Variants in RBFOX1 observed in about 807,000 individuals in gnomAD.
The protein encoded by RBFOX1 is RNA binding protein fox-1 homolog 1.
A neutral mutation model predicts 57.7 loss-of-function variants in RBFOX1; 8 were observed. That is an observed-to-expected ratio of 0.14 (90% CI 0.08 to 0.25). The LOEUF (loss-of-function observed/expected upper bound fraction) is 0.25, where lower values mean the gene tolerates loss of function less well. Among genes scored for constraint, RBFOX1 ranks in the 10% least tolerant of loss-of-function variants. The probability of loss-of-function intolerance (pLI) is 1.00; values close to 1 mark genes in which losing one functional copy is unlikely to be tolerated. For missense variants in RBFOX1, 611 were observed against 548.5 expected, an observed-to-expected ratio of 1.11 and a Z score of -1.14; for synonymous variants, 326 against 222.4, an observed-to-expected ratio of 1.47 and a Z score of -4.15.
Position 7,261,524 on chromosome 16 carries a change from T to C in RBFOX1, c.27+209426T>C, listed in dbSNP as rs369950524. On this transcript the variant is annotated intron_variant, in intron 4 of 15. Coordinates refer to ENST00000550418, the MANE Select transcript of RBFOX1 (RefSeq NM_018723.4). ...GGGAACACTTGATCAGCATAGGAGA[T>C]AACTAACGGCAGTAACTTTGCTCTG... Among the ~76,000 whole-genome samples, 8 of 152,264 alleles carry C rather than the reference T, an allele frequency of 5.3e-5. No homozygotes were observed. The South Asian group carries it at 1.2e-3, about 24-fold the overall frequency.
chr16:7,187,148 G>A (rs755321042), intron 4 of RBFOX1, among the ~76,000 whole-genome samples: 45 of 151,728 alleles, frequency 3.0e-4, no homozygotes, highest in Non-Finnish European at 5.7e-4. Flanking sequence ...CAGCTTGGGC[G>A]ATGGAGTGAT....
At chr16:5,253,946 C>T (rs555105704) in intron 1 of RBFOX1, among the ~76,000 whole-genome samples, 1 of 151,904 alleles carries the variant, frequency 6.6e-6, no homozygotes, top group East Asian at 1.9e-4. Flanking sequence ...CAGCAACCCC[C>T]TATTATCTGC....
intron 3 of RBFOX1, among the ~76,000 whole-genome samples, chr16:6,819,238 A>G (rs2090782354): frequency 6.6e-6 from 1 of 152,188 alleles, no homozygotes; most frequent in African/African-American, 2.4e-5. Flanking sequence ...GTGGTTGGCA[A>G]TCCTGCATCA....
At chr16:7,089,999 C>T (rs2060565279) in intron 4 of RBFOX1, among the ~76,000 whole-genome samples, 1 of 152,006 alleles carries the variant, frequency 6.6e-6, no homozygotes, top group Non-Finnish European at 1.5e-5. Flanking sequence ...AGCATTAACA[C>T]TGTGAGGTTG....
At chr16:6,705,993 G>T (rs928346120) in intron 3 of RBFOX1, among the ~76,000 whole-genome samples, 2 of 152,148 alleles carry the variant, frequency 1.3e-5, no homozygotes, top group Non-Finnish European at 2.9e-5. Flanking sequence ...ACTCCAGCCT[G>T]GGTGAAAGAG....
At chr16:6,779,598 T>A (rs1011104608) in intron 3 of RBFOX1, among the ~76,000 whole-genome samples, 2 of 148,232 alleles carry the variant, frequency 1.3e-5, no homozygotes, top group African/African-American at 5.0e-5. Flanking sequence ...CATACTATTC[T>A]CCAGAGTGGC....
intron 4 of RBFOX1, among the ~76,000 whole-genome samples, chr16:7,122,112 A>G (rs1026905366): frequency 6.6e-6 from 1 of 152,126 alleles, no homozygotes; most frequent in African/African-American, 2.4e-5. Context: ...ATTTTTGGCC[A>G]TGACACCAAA....
At chr16:5,319,856 C>G (rs545846736) in intron 1 of RBFOX1, among the ~76,000 whole-genome samples, 12 of 152,136 alleles carry the variant, frequency 7.9e-5, no homozygotes, top group Non-Finnish European at 1.3e-4. Context: ...TGCTCTGGGT[C>G]CTGGTGTTCC....
chr16:7,065,368 C>T (rs1188753925), intron 4 of RBFOX1, among the ~76,000 whole-genome samples: 1 of 152,106 alleles, frequency 6.6e-6, no homozygotes, highest in East Asian at 1.9e-4. Flanking sequence ...CCCTGATACA[C>T]TCCACCTGCC....
chr16:7,336,561 G>C (rs2096792037), intron 4 of RBFOX1, among the ~76,000 whole-genome samples: 2 of 152,206 alleles, frequency 1.3e-5, no homozygotes. Flanking sequence ...CATAGCCACT[G>C]AACTGTGGGT....
chr16:6,759,005 G>C (rs2076212595), intron 3 of RBFOX1, among the ~76,000 whole-genome samples: 2 of 152,104 alleles, frequency 1.3e-5, no homozygotes, highest in Admixed American at 1.3e-4. Flanking sequence ...AGACAATGAT[G>C]AGCTAGTCAT....
rs886672498 is a variant in RBFOX1 at position 7,616,900 on chromosome 16, G to A, written c.676+9562G>A. On this transcript the variant is annotated intron_variant, in intron 10 of 15. Transcript: ENST00000550418. The stretch of plus-strand genomic sequence containing the variant: ...TTTTATCTCCCAGGAGCTGGCCAAA[G>A]TCCAATCCTAAGGACAAGCTGTTGT... 2.0e-5 allele frequency among the ~76,000 whole-genome samples: 3 copies of A among 151,898 alleles called. No individual in the cohort carries two copies. The South Asian group carries it at 6.2e-4, about 32-fold the overall frequency.
chr16:7,370,071 A>G (rs149512480), intron 4 of RBFOX1, among the ~76,000 whole-genome samples: 1 of 152,336 alleles, frequency 6.6e-6, no homozygotes, highest in Non-Finnish European at 1.5e-5. Flanking sequence ...GCTTGGCACT[A>G]TGACTATGGC....
chr16:7,663,884 C>G (rs758447679), intron 12 of RBFOX1, among the ~76,000 whole-genome samples: 8 of 152,194 alleles, frequency 5.3e-5, no homozygotes, highest in African/African-American at 9.6e-5. Context: ...CTCACGACCA[C>G]GTAGCTAAGA....
chr16:7,119,661 A>G (rs1475291171), intron 4 of RBFOX1, among the ~76,000 whole-genome samples: 1 of 152,136 alleles, frequency 6.6e-6, no homozygotes, highest in Non-Finnish European at 1.5e-5. Flanking sequence ...AAGACAAAAC[A>G]ATCTTAAACA....
At chr16:6,451,815 C>G (rs1202938723) in intron 2 of RBFOX1, among the ~76,000 whole-genome samples, 1 of 151,178 alleles carries the variant, frequency 6.6e-6, no homozygotes, top group African/African-American at 2.4e-5. Context: ...ACTCCTTCCT[C>G]CCATGACTCC....
chr16:6,832,398 C>G (rs1281341524), intron 3 of RBFOX1, among the ~76,000 whole-genome samples: 1 of 152,138 alleles, frequency 6.6e-6, no homozygotes, highest in African/African-American at 2.4e-5. Flanking sequence ...CAGATTGCTA[C>G]TTAATAGTGA....
intron 4 of RBFOX1, among the ~76,000 whole-genome samples, chr16:7,517,194 T>G: frequency 3.6e-5 from 5 of 139,844 alleles, no homozygotes; most frequent in African/African-American, 5.4e-5. Context: ...TGTGTTGTGG[T>G]AGAACTGTGG....
chr16:7,173,143 C>G (rs866244722), intron 4 of RBFOX1, among the ~76,000 whole-genome samples: 1 of 152,252 alleles, frequency 6.6e-6, no homozygotes, highest in South Asian at 2.1e-4. Flanking sequence ...TTCATAAAAT[C>G]TTATTTTCTT....
Sources: allele counts gnomAD v4.1 joint callset (sites outside exome capture counted in the v4.1 genomes callset), GRCh38; gene constraint gnomAD v4.1.1; transcripts MANE v1.5; gene names NCBI Gene and HGNC (gene_info 2026-07-23, HGNC 2026-07-21).